The following WWOX variants were observed in gnomAD, a reference collection of about 807,000 sequenced individuals.
The protein encoded by WWOX is WW domain-containing oxidoreductase.
Under a neutral mutation model 46.2 loss-of-function variants are expected in WWOX, and 69 were observed. The observed-to-expected ratio is 1.49, with a 90% CI of 1.23 to 1.82. WWOX has a LOEUF of 1.82. WWOX is among the 40% of genes most tolerant of loss of function. The pLI is 0.00. For missense variants in WWOX, 919 were observed against 542.6 expected (o/e 1.69, Z -6.89); for synonymous variants, 359 against 202.6 (o/e 1.77, Z -6.56).
At chr16:78,674,470 A>T (rs1218561195) in intron 8 of WWOX, among the ~76,000 whole-genome samples, 1 of 151,944 alleles carries the variant, frequency 6.6e-6, no homozygotes, top group Non-Finnish European at 1.5e-5. Context: ...TTTTTAGTAG[A>T]GATGGGGTTT....
intron 8 of WWOX, among the ~76,000 whole-genome samples, chr16:78,617,569 T>A (rs1164396656): frequency 6.6e-6 from 1 of 152,180 alleles, no homozygotes; most frequent in African/African-American, 2.4e-5. Context: ...TCTGAGGACG[T>A]GCTTGTGTGT....
chr16:78,874,430 A>G (rs1192373112), intron 8 of WWOX, among the ~76,000 whole-genome samples: 2 of 152,048 alleles, frequency 1.3e-5, no homozygotes, highest in African/African-American at 4.8e-5. Flanking sequence ...CTTGGAATGC[A>G]GTCCTGGTTC....
intron 8 of WWOX, among the ~76,000 whole-genome samples, chr16:79,019,324 C>T (rs2047484320): frequency 1.3e-5 from 2 of 152,008 alleles, no homozygotes; most frequent in East Asian, 1.9e-4. Context: ...TAGATGGTGC[C>T]GTCTACTACA....
At chr16:78,436,331 C>T (rs1252747316) in intron 8 of WWOX, among the ~76,000 whole-genome samples, 2 of 152,106 alleles carry the variant, frequency 1.3e-5, no homozygotes, top group Non-Finnish European at 2.9e-5. Context: ...GTGAAGGGAC[C>T]CTGGTTCAGT....
intron 8 of WWOX, among the ~76,000 whole-genome samples, chr16:78,965,607 G>A (rs1194228434): frequency 6.6e-6 from 1 of 151,696 alleles, no homozygotes; most frequent in African/African-American, 2.4e-5. Context: ...CAGATACACA[G>A]TCTAATGCTT....
At chr16:78,847,236 C>G (rs957549244) in intron 8 of WWOX, among the ~76,000 whole-genome samples, 1 of 152,168 alleles carries the variant, frequency 6.6e-6, no homozygotes, top group Non-Finnish European at 1.5e-5. Flanking sequence ...AGTGTCATTG[C>G]TTCTAGAACT....
intron 8 of WWOX, among the ~76,000 whole-genome samples, chr16:78,926,487 A>G (rs2045501413): frequency 6.6e-6 from 1 of 152,198 alleles, no homozygotes; most frequent in Non-Finnish European, 1.5e-5. Context: ...TGGTTTCTCC[A>G]TCCTTGTCTT....
At position 78,710,842 on chromosome 16, in the gene WWOX, C is replaced by A. The variant is rs189783842; in HGVS notation, c.1056+278090C>A. Among the ~76,000 whole-genome samples the A allele has an allele frequency of 4.1e-3, 624 of 152,062 alleles. 2 individuals are homozygous for A. Among genetic ancestry groups the A allele is most frequent in the African/African-American group, 0.015 (603 of 41,490 alleles). On this transcript the variant is annotated intron_variant, in intron 8 of 8. Coordinates refer to ENST00000566780, the MANE Select transcript of WWOX (RefSeq NM_016373.4). ...TTGTGGCCCAGGCTGATCTCAAACT[C>A]CTGAGCTCAAGCGATCCTACTCACT...
intron 8 of WWOX, among the ~76,000 whole-genome samples, chr16:78,539,776 T>C (rs535631179): frequency 1.3e-5 from 2 of 152,292 alleles, no homozygotes; most frequent in South Asian, 4.1e-4. Context: ...ATAGATAATC[T>C]AACACCAGCA....
chr16:78,413,084 T>A (rs796281612), intron 6 of WWOX, among the ~76,000 whole-genome samples: 9 of 152,298 alleles, frequency 5.9e-5, no homozygotes, highest in African/African-American at 1.9e-4. Flanking sequence ...TCCTGCTAGC[T>A]GGACAGAGCT....
chr16:78,519,000 C>T (rs1314699258), intron 8 of WWOX, among the ~76,000 whole-genome samples: 1 of 152,316 alleles, frequency 6.6e-6, no homozygotes, highest in South Asian at 2.1e-4. Flanking sequence ...TGATTTCTCA[C>T]CTACTGGCAA....
chr16:78,572,130 C>G (rs2044730633), intron 8 of WWOX, among the ~76,000 whole-genome samples: 1 of 152,154 alleles, frequency 6.6e-6, no homozygotes, highest in Admixed American at 6.5e-5. Flanking sequence ...AGGAATGTTT[C>G]TGGTGCATAA....
At chr16:78,561,310 A>G (rs2044429258) in intron 8 of WWOX, among the ~76,000 whole-genome samples, 1 of 152,216 alleles carries the variant, frequency 6.6e-6, no homozygotes, top group Non-Finnish European at 1.5e-5. Context: ...TCAAGGGCTC[A>G]GAAACTCTCT....
intron 8 of WWOX, among the ~76,000 whole-genome samples, chr16:78,529,112 C>A (rs2043557213): frequency 6.6e-6 from 1 of 151,614 alleles, no homozygotes; most frequent in Non-Finnish European, 1.5e-5. Context: ...CACTACCATG[C>A]CCAGCTAAGT....
intron 5 of WWOX, among the ~76,000 whole-genome samples, chr16:78,316,595 G>A (rs536788708): frequency 2.6e-5 from 4 of 152,038 alleles, no homozygotes; most frequent in Non-Finnish European, 5.9e-5. Context: ...TGCCCGTCTC[G>A]GCCTCCCAAA....
chr16:79,212,206 G>A lies in WWOX; in HGVS notation c.*410G>A. Reference sequence around the variant, plus strand: ...GGGGGCTGGCCTTCTCCTACTTAGGGAAGAAAAAGCAAGTGTTCACTGCTC... The same window carrying A: ...GGGGGCTGGCCTTCTCCTACTTAGGAAAGAAAAAGCAAGTGTTCACTGCTC... On this transcript the variant is annotated 3_prime_UTR_variant, in exon 9 of 9. Transcript: ENST00000566780. 3 of 1,448,018 alleles carry A rather than the reference G, an allele frequency of 2.1e-6. No homozygotes were observed. The highest frequency in any genetic ancestry group is 2.9e-5 in the African/African-American group (2 of 69,996). 89.7% of individuals were successfully genotyped at this position (1,448,018 alleles called of 1,614,324 possible). A position where few individuals can be genotyped will look rare whatever the true frequency, so the allele number is the denominator to read the frequency against.
chr16:79,038,010 G>A (rs184368883), intron 8 of WWOX, among the ~76,000 whole-genome samples: 1 of 152,150 alleles, frequency 6.6e-6, no homozygotes, highest in African/African-American at 2.4e-5. Flanking sequence ...ATGGCAACCA[G>A]GCTCCAATAT....
intron 8 of WWOX, among the ~76,000 whole-genome samples, chr16:78,562,038 G>C (rs1336339018): frequency 2.0e-5 from 3 of 152,160 alleles, no homozygotes; most frequent in Non-Finnish European, 4.4e-5. Context: ...TGGAGTCTTT[G>C]TTTTTAGCCC....
chr16:78,658,372 T>C (rs903463801), intron 8 of WWOX, among the ~76,000 whole-genome samples: 1 of 152,216 alleles, frequency 6.6e-6, no homozygotes, highest in Non-Finnish European at 1.5e-5. Context: ...ACACTTGCCA[T>C]GTAGTCACTA....
Sources: gnomAD v4.1 joint callset for allele counts (sites outside exome capture counted in the v4.1 genomes callset) on GRCh38, gnomAD v4.1.1 for gene constraint, MANE v1.5 for transcripts, NCBI Gene and HGNC (gene_info 2026-07-23, HGNC 2026-07-21) for gene names.